The following FREM1 variants were observed in gnomAD, a reference collection of about 807,000 sequenced individuals.
The protein encoded by FREM1 is FRAS1-related extracellular matrix protein 1.
In FREM1, 220 loss-of-function variants were observed where a neutral mutation model predicts 210.1. The ratio of observed to expected loss-of-function variants is 1.05; its 90% CI spans 0.94 to 1.17. FREM1 has a LOEUF of 1.17. FREM1 is among the 50% of genes most tolerant of loss of function. The pLI is 0.00. For synonymous variants in FREM1, 1,189 were observed against 980.2 expected (o/e 1.21, Z -3.98); for missense variants, 3,454 against 2,675.5 (o/e 1.29, Z -6.42).
At chr9:14,765,322 G>A (rs1846200500) in intron 27 of FREM1, among the ~76,000 whole-genome samples, 1 of 152,134 alleles carries the variant, frequency 6.6e-6, no homozygotes, top group African/African-American at 2.4e-5. Flanking sequence ...CCCAAAACAA[G>A]TGCTTTAGAA....
chr9:14,762,886 T>C lies in FREM1; in HGVS notation c.5205-2985A>G, dbSNP rs149827921. Among the ~76,000 whole-genome samples, 387 of 152,174 alleles carry C rather than the reference T, an allele frequency of 2.5e-3. 1 individual carries two copies. Among genetic ancestry groups the C allele is most frequent in the Middle Eastern group, 0.01 (3 of 294 alleles). ...AGATGTAGTCAATCACTTGGGAATTTTGCCTGCAAGAAGCCACACAGCTAT... is the reference window on the plus strand; with the variant it reads ...AGATGTAGTCAATCACTTGGGAATTCTGCCTGCAAGAAGCCACACAGCTAT... On this transcript the variant is annotated intron_variant, in intron 27 of 36. Coordinates refer to ENST00000380880, the MANE Select transcript of FREM1 (RefSeq NM_001379081.2).
intron 7 of FREM1, 134 bp downstream of exon 7, chr9:14,848,531 A>C: frequency 2.4e-6 from 1 of 418,528 alleles, no homozygotes; most frequent in South Asian, 8.6e-5. Context: ...CTACTATGTG[A>C]TGCCCTTAAT....
At chr9:14,754,112 C>T (rs1165316629) in intron 29 of FREM1, among the ~76,000 whole-genome samples, 1 of 152,164 alleles carries the variant, frequency 6.6e-6, no homozygotes, top group Non-Finnish European at 1.5e-5. Context: ...GCTCCTGAAA[C>T]CTACTAGCAG....
At chr9:14,738,144 G>T (rs181233705) in intron 36 of FREM1, among the ~76,000 whole-genome samples, 11 of 152,218 alleles carry the variant, frequency 7.2e-5, no homozygotes, top group African/African-American at 2.6e-4. Context: ...ATAAAAAGCA[G>T]ATTTTCTCGA....
intron 1 of FREM1, among the ~76,000 whole-genome samples, chr9:14,876,386 G>A (rs1472084906): frequency 1.3e-5 from 2 of 152,098 alleles, no homozygotes; most frequent in East Asian, 1.9e-4. Flanking sequence ...GCAATGGCGG[G>A]CGCCCCTCCC....
At chr9:14,767,644 G>T (rs1846676420) in intron 27 of FREM1, among the ~76,000 whole-genome samples, 1 of 152,164 alleles carries the variant, frequency 6.6e-6, no homozygotes, top group Non-Finnish European at 1.5e-5. Context: ...GTCTTGGGAA[G>T]ATGAACCACT....
intron 3 of FREM1, among the ~76,000 whole-genome samples, chr9:14,860,666 T>TATATACACAC (rs1564100029): frequency 7.5e-5 from 10 of 133,822 alleles, no homozygotes; most frequent in Admixed American, 4.6e-4. Flanking sequence ...CATATATACA[T>TATATACACAC]ATATACACAC....
intron 3 of FREM1, among the ~76,000 whole-genome samples, chr9:14,861,370 C>T (rs948565648): frequency 2.3e-5 from 2 of 85,918 alleles, no homozygotes; most frequent in Non-Finnish European, 4.6e-5. Flanking sequence ...CATATATACA[C>T]GTATATACAT....
chr9:14,834,115 G>A (rs1233203273), intron 10 of FREM1, among the ~76,000 whole-genome samples: 1 of 152,166 alleles, frequency 6.6e-6, no homozygotes, highest in African/African-American at 2.4e-5. Flanking sequence ...TAATAACTAG[G>A]TAGAAAATAC....
At chr9:14,740,508 TC>T (rs1841378720) in intron 35 of FREM1, among the ~76,000 whole-genome samples, 1 of 152,186 alleles carries the variant, frequency 6.6e-6, no homozygotes, top group South Asian at 2.1e-4. Flanking sequence ...GTTTCAAACA[TC>T]TTTTTGGAAA....
intron 1 of FREM1, among the ~76,000 whole-genome samples, chr9:14,901,653 C>T (rs1588671083): frequency 2.6e-5 from 4 of 152,238 alleles, no homozygotes; most frequent in Admixed American, 2.6e-4. Flanking sequence ...GTTCACATGT[C>T]TTATTGTAGG....
chr9:14,746,389 C>G lies in FREM1; in HGVS notation c.6218G>C (p.Gly2073Ala), dbSNP rs1842434407. The G allele has an allele frequency of 1.9e-6, 3 of 1,613,850 alleles. No homozygotes were observed. Among genetic ancestry groups the G allele is most frequent in the African/African-American group, 1.3e-5 (1 of 75,056 alleles). The change falls in exon 35 of 37, where the codon GGC becomes GCC. Residue 2073 changes from glycine (G) to alanine (A), a missense_variant. Physicochemically the swap from Gly to Ala is moderately conservative, Grantham distance 60. Transcript: ENST00000380880. The stretch of plus-strand genomic sequence containing the variant: ...AGCTTGGGCAGCCGCATTCCAGGTG[C>G]CTTTCTGCTCTGTGATCAAGATGTG... ...YCHILITEQK[G>A]TWNAAAQACR... is the part of the protein sequence containing the mutation.
chr9:14,840,402 G>T (rs1206120122), intron 10 of FREM1, among the ~76,000 whole-genome samples: 2 of 152,186 alleles, frequency 1.3e-5, no homozygotes, highest in Non-Finnish European at 2.9e-5. Flanking sequence ...TTTAATGGAT[G>T]TACAGTTCCA....
chr9:14,790,055 A>G (rs1365448354), intron 22 of FREM1, among the ~76,000 whole-genome samples: 7 of 152,186 alleles, frequency 4.6e-5, no homozygotes, highest in Non-Finnish European at 8.8e-5. Context: ...TAAATCATTT[A>G]CTTTTTATTC....
chr9:14,860,372 G>C (rs568880747), intron 3 of FREM1, among the ~76,000 whole-genome samples: 1 of 151,840 alleles, frequency 6.6e-6, no homozygotes, highest in South Asian at 2.1e-4. Flanking sequence ...TGAAGACCAA[G>C]AGGGGAAGAA....
chr9:14,752,234 T>C (rs1483280377), intron 29 of FREM1, among the ~76,000 whole-genome samples: 1 of 151,992 alleles, frequency 6.6e-6, no homozygotes, highest in East Asian at 1.9e-4. Flanking sequence ...GTTTACCTAC[T>C]AAAAGATACA....
chr9:14,887,564 A>C (rs926388707), intron 1 of FREM1, among the ~76,000 whole-genome samples: 23 of 152,322 alleles, frequency 1.5e-4, no homozygotes, highest in African/African-American at 5.5e-4. Flanking sequence ...GCCAAACACA[A>C]GATTTTCAGA....
chr9:14,875,011 CT>C (rs1265377589), intron 1 of FREM1, among the ~76,000 whole-genome samples: 1 of 152,180 alleles, frequency 6.6e-6, no homozygotes, highest in African/African-American at 2.4e-5. Flanking sequence ...TCTCTTCTGG[CT>C]TGTAGAGTTT....
At chr9:14,769,697 G>C in intron 27 of FREM1, 27 bp downstream of exon 27, 7 of 1,608,552 alleles carry the variant, frequency 4.4e-6, no homozygotes, top group Non-Finnish European at 5.1e-6. Flanking sequence ...TAACATATAG[G>C]ACTACTGAAT....
Sources: allele counts gnomAD v4.1 joint callset (sites outside exome capture counted in the v4.1 genomes callset), GRCh38; gene constraint gnomAD v4.1.1; transcripts MANE v1.5; gene names NCBI Gene and HGNC (gene_info 2026-07-23, HGNC 2026-07-21).